The following SGCD variants were observed in gnomAD, a reference collection of about 807,000 sequenced individuals.
SGCD encodes the protein delta-sarcoglycan.
In SGCD, 18 loss-of-function variants were observed where a neutral mutation model predicts 36.6. The ratio of observed to expected loss-of-function variants is 0.49; its 90% CI spans 0.34 to 0.73. The LOEUF is 0.73. SGCD is among the 30% of genes least tolerant of loss of function. The pLI is 0.01. For missense variants in SGCD, 387 were observed against 346.7 expected (o/e 1.12, Z -0.92); for synonymous variants, 133 against 130.6 (o/e 1.02, Z -0.12).
chr5:155,918,707 G>T (rs556871838), intron 1 of SGCD, among the ~76,000 whole-genome samples: 1 of 152,314 alleles, frequency 6.6e-6, no homozygotes, highest in South Asian at 2.1e-4. Flanking sequence ...AGAACAATGG[G>T]AGAGAAATGC....
At chr5:156,420,089 T>G (rs562661402) in intron 3 of SGCD, among the ~76,000 whole-genome samples, 3 of 152,268 alleles carry the variant, frequency 2.0e-5, no homozygotes, top group South Asian at 4.1e-4. Context: ...TCTCAACCTC[T>G]GGCCATAGTA....
intron 3 of SGCD, among the ~76,000 whole-genome samples, chr5:156,185,430 G>A (rs1001779816): frequency 4.4e-4 from 67 of 151,922 alleles, no homozygotes; most frequent in African/African-American, 1.4e-3. Flanking sequence ...TAGCCAGGAT[G>A]GTCTCGATCT....
intron 2 of SGCD, among the ~76,000 whole-genome samples, chr5:156,329,869 T>A (rs546797587): frequency 4.0e-5 from 6 of 151,742 alleles, no homozygotes; most frequent in African/African-American, 1.5e-4. Flanking sequence ...TACCAAAAAT[T>A]AGCCGGACAT....
chr5:156,282,155 G>C lies in SGCD; in HGVS notation c.-43-47379G>C, dbSNP rs550810332. On this transcript the variant is annotated intron_variant, in intron 3 of 9. Transcript: ENST00000517913. ...ACTGGTGGAGAGAATATGTTGATAA[G>C]AGTAGGCCTGAGTCATGTGAGCATT... 6.6e-5 allele frequency among the ~76,000 whole-genome samples: 10 copies of C among 152,290 alleles called. No individual in the cohort carries two copies. The East Asian group carries it at 1.9e-3, about 29-fold the overall frequency.
intron 4 of SGCD, among the ~76,000 whole-genome samples, chr5:156,560,490 G>A (rs959718596): frequency 5.3e-5 from 8 of 152,112 alleles, no homozygotes; most frequent in Admixed American, 3.9e-4. Flanking sequence ...TATGATGATG[G>A]CATTAATGCA....
Position 156,282,579 on chromosome 5 carries a change from T to C in SGCD, c.-43-46955T>C, listed in dbSNP as rs76321232. Among the ~76,000 whole-genome samples, 1,111 of 152,328 alleles carry C rather than the reference T, an allele frequency of 7.3e-3. 9 individuals carry two copies. Among genetic ancestry groups the C allele is most frequent in the African/African-American group, 0.026 (1,076 of 41,572 alleles). On this transcript the variant is annotated intron_variant, in intron 3 of 9. Transcript: ENST00000517913. The stretch of plus-strand genomic sequence containing the variant: ...GTGTGTGTTTCACTGCCTTACAGTG[T>C]GAATAAAGAAACATGGCTCAACCAG...
chr5:156,308,641 C>T (rs528331013), intron 3 of SGCD, among the ~76,000 whole-genome samples: 24 of 152,250 alleles, frequency 1.6e-4, no homozygotes, highest in African/African-American at 5.1e-4. Flanking sequence ...TGAGAAGTCA[C>T]TCACTATCAA....
At chr5:156,423,190 TATA>T (rs1325540614) in intron 3 of SGCD, among the ~76,000 whole-genome samples, 5 of 118,634 alleles carry the variant, frequency 4.2e-5, no homozygotes, top group Non-Finnish European at 1.6e-5. Flanking sequence ...AATTATATAA[TATA>T]ATATTATATT....
intron 4 of SGCD, among the ~76,000 whole-genome samples, chr5:156,512,191 CAAAA>C (rs759345867): frequency 3.0e-5 from 2 of 66,876 alleles, no homozygotes; most frequent in South Asian, 6.0e-4. Context: ...GACTCTGTCT[CAAAA>C]AAAAAAAAAA....
intron 3 of SGCD, among the ~76,000 whole-genome samples, chr5:156,235,899 T>C (rs1299842550): frequency 6.6e-6 from 1 of 152,172 alleles, no homozygotes; most frequent in Non-Finnish European, 1.5e-5. Flanking sequence ...AGAAGGACTT[T>C]TGTGAAATGA....
chr5:156,172,245 T>A (rs1581145446), intron 3 of SGCD, among the ~76,000 whole-genome samples: 2 of 152,152 alleles, frequency 1.3e-5, no homozygotes, highest in East Asian at 3.9e-4. Context: ...ATTGAGCCAT[T>A]GCACTCCAGC....
chr5:156,420,313 A>G (rs1468475140), intron 3 of SGCD, among the ~76,000 whole-genome samples: 1 of 152,160 alleles, frequency 6.6e-6, no homozygotes, highest in Non-Finnish European at 1.5e-5. Context: ...AATGTTTAGT[A>G]TAGCATAAAT....
rs115846568 is a variant in SGCD, at chr5:156,398,728, C to G, written c.192+54051C>G. Among the ~76,000 whole-genome samples the G allele has an allele frequency of 2.1e-3, 320 of 152,294 alleles. 3 individuals are homozygous for G. Among genetic ancestry groups the G allele is most frequent in the African/African-American group, 7.2e-3 (299 of 41,566 alleles). On this transcript the variant is annotated intron_variant, in intron 3 of 8. Coordinates refer to ENST00000337851, the MANE Select transcript of SGCD (RefSeq NM_000337.6). ...GGCCCATAAAATTGCCTTACCTGTA[C>G]TTCCCCATGCTCTTTTTCTCTTCAA...
rs554529442 is a variant in SGCD, at chr5:156,014,850, G to A, written c.-281-103028G>A. 4.7e-4 allele frequency among the ~76,000 whole-genome samples: 71 copies of A among 152,178 alleles called. 1 individual carries two copies. The highest frequency in any genetic ancestry group is 3.4e-3 in the Middle Eastern group (1 of 294). On this transcript the variant is annotated intron_variant, in intron 1 of 9. Transcript: ENST00000517913. Reference sequence around the variant, plus strand: ...ATACAGGGTGGTTACTTTCTATAGCGTTTTGCACTTTGGGTTTGAAAATGC... The same window carrying A: ...ATACAGGGTGGTTACTTTCTATAGCATTTTGCACTTTGGGTTTGAAAATGC...
chr5:156,278,005 A>G (rs1766359855), intron 3 of SGCD, among the ~76,000 whole-genome samples: 1 of 152,200 alleles, frequency 6.6e-6, no homozygotes, highest in African/African-American at 2.4e-5. Context: ...GGAAAATAAT[A>G]GGTTCATATA....
the SGCD span, among the ~76,000 whole-genome samples, chr5:155,832,177 A>T: frequency 6.6e-6 from 1 of 152,128 alleles, no homozygotes; most frequent in South Asian, 2.1e-4. Context: ...AATGAAAGAG[A>T]GATTAGTTTT....
At chr5:155,942,931 T>C (rs1414738024) in intron 1 of SGCD, among the ~76,000 whole-genome samples, 1 of 152,254 alleles carries the variant, frequency 6.6e-6, no homozygotes, top group Non-Finnish European at 1.5e-5. Flanking sequence ...CATCATAGTC[T>C]ATGTTCTTCA....
chr5:156,454,641 G>A (rs1754172854), intron 3 of SGCD, among the ~76,000 whole-genome samples: 1 of 152,140 alleles, frequency 6.6e-6, no homozygotes, highest in Admixed American at 6.6e-5. Flanking sequence ...ACAAAAGGAA[G>A]AGTTCATGGG....
At chr5:155,896,705 G>T (rs1756270494) in intron 1 of SGCD, among the ~76,000 whole-genome samples, 1 of 151,920 alleles carries the variant, frequency 6.6e-6, no homozygotes, top group African/African-American at 2.4e-5. Context: ...AGTAGGAGAT[G>T]GAATAAGTCA....
Sources: allele counts gnomAD v4.1 joint callset (sites outside exome capture counted in the v4.1 genomes callset), GRCh38; gene constraint gnomAD v4.1.1; transcripts MANE v1.5; gene names NCBI Gene and HGNC (gene_info 2026-07-23, HGNC 2026-07-21).